The following OSBPL8 variants were observed in gnomAD, a reference collection of about 807,000 sequenced individuals.
OSBPL8 encodes the protein oxysterol binding protein like 8.
Under a neutral mutation model 125.5 loss-of-function variants are expected in OSBPL8, and 59 were observed. That is an observed-to-expected ratio of 0.47 (90% confidence interval 0.38 to 0.58). The LOEUF (loss-of-function observed/expected upper bound fraction) is 0.58, where lower values mean the gene tolerates loss of function less well. Among genes scored for constraint, OSBPL8 ranks in the 20% least tolerant of loss-of-function variants. The pLI, the probability that OSBPL8 is intolerant of heterozygous loss-of-function variation, is 0.00. For missense variants in OSBPL8, 758 were observed against 1,047.8 expected (o/e 0.72, Z 3.82); for synonymous variants, 330 against 338.9 (o/e 0.97, Z 0.29).
At chr12:76,473,798 G>T (rs188383372) in intron 2 of OSBPL8, among the ~76,000 whole-genome samples, 1 of 152,254 alleles carries the variant, frequency 6.6e-6, no homozygotes, top group Admixed American at 6.5e-5. Flanking sequence ...CGCAATATAG[G>T]AAAGTGATTA....
chr12:76,378,973 T>C (rs934896355), intron 15 of OSBPL8, among the ~76,000 whole-genome samples: 1 of 152,116 alleles, frequency 6.6e-6, no homozygotes. Flanking sequence ...TTTCCCCATG[T>C]TGGCCAAGCT....
chr12:76,558,245 TA>T (rs1951169134), intron 1 of OSBPL8, among the ~76,000 whole-genome samples: 1 of 152,226 alleles, frequency 6.6e-6, no homozygotes, highest in African/African-American at 2.4e-5. Flanking sequence ...AGCATGATCT[TA>T]ATAATTTCAC....
At chr12:76,371,790 T>A (rs530352270) in intron 18 of OSBPL8, 1 of 381,150 alleles carries the variant, frequency 2.6e-6, no homozygotes, top group South Asian at 1.1e-4. Context: ...TAATACTAGT[T>A]AATTAAAAAG....
At chr12:76,455,327 G>A (rs1394569338) in intron 3 of OSBPL8, among the ~76,000 whole-genome samples, 1 of 151,682 alleles carries the variant, frequency 6.6e-6, no homozygotes, top group Non-Finnish European at 1.5e-5. Context: ...AGGGCTCATT[G>A]TATAATTATG....
intron 1 of OSBPL8, among the ~76,000 whole-genome samples, chr12:76,527,126 T>G (rs1312896668): frequency 2.0e-5 from 3 of 152,024 alleles, no homozygotes; most frequent in Admixed American, 2.0e-4. Flanking sequence ...CTGCTGTCTA[T>G]ATATTGCTGA....
chr12:76,532,038 A>G (rs1592865227), intron 1 of OSBPL8, among the ~76,000 whole-genome samples: 1 of 76,060 alleles, frequency 1.3e-5, no homozygotes, highest in African/African-American at 8.3e-5. Flanking sequence ...CTCCTTCTCA[A>G]AAAAAAAAAA....
At chr12:76,526,716 T>C (rs947777957) in intron 1 of OSBPL8, among the ~76,000 whole-genome samples, 5 of 136,490 alleles carry the variant, frequency 3.7e-5, no homozygotes, top group Non-Finnish European at 7.7e-5. Flanking sequence ...AATGGTGCGA[T>C]CTCGGCTCAC....
intron 4 of OSBPL8, among the ~76,000 whole-genome samples, chr12:76,421,289 A>AAC (rs1168065745): frequency 5.9e-5 from 9 of 152,072 alleles, no homozygotes; most frequent in African/African-American, 1.9e-4. Flanking sequence ...CTGAATGACA[A>AAC]ACGACTAAAA....
chr12:76,549,961 G>A (rs1296869020), intron 1 of OSBPL8, among the ~76,000 whole-genome samples: 1 of 151,882 alleles, frequency 6.6e-6, no homozygotes, highest in East Asian at 1.9e-4. Flanking sequence ...TAACAGAATG[G>A]ATCCAATTCA....
At chr12:76,468,334 G>C (rs1300203408) in intron 2 of OSBPL8, among the ~76,000 whole-genome samples, 1 of 152,116 alleles carries the variant, frequency 6.6e-6, no homozygotes, top group African/African-American at 2.4e-5. Flanking sequence ...GATTTTCTAT[G>C]AGATGGTCTC....
intron 4 of OSBPL8, among the ~76,000 whole-genome samples, chr12:76,418,455 G>C (rs1869018608): frequency 6.6e-6 from 1 of 152,086 alleles, no homozygotes; most frequent in African/African-American, 2.4e-5. Context: ...TTAGAAACCA[G>C]GTAGTCTTGC....
At chr12:76,413,565 T>C (rs995907729) in intron 4 of OSBPL8, among the ~76,000 whole-genome samples, 22 of 152,328 alleles carry the variant, frequency 1.4e-4, no homozygotes, top group African/African-American at 4.1e-4. Context: ...TTAAACTTTA[T>C]ACCAAACTAT....
intron 1 of OSBPL8, among the ~76,000 whole-genome samples, chr12:76,546,869 G>C (rs1463143326): frequency 6.6e-6 from 1 of 152,038 alleles, no homozygotes; most frequent in Middle Eastern, 3.4e-3. Context: ...TTGACTTCCT[G>C]GACAATGAGC....
At chr12:76,434,879 C>T (rs1871259174) in intron 4 of OSBPL8, among the ~76,000 whole-genome samples, 1 of 151,996 alleles carries the variant, frequency 6.6e-6, no homozygotes, top group African/African-American at 2.4e-5. Flanking sequence ...CACTAGGATG[C>T]AGGGAAAAAG....
intron 4 of OSBPL8, among the ~76,000 whole-genome samples, chr12:76,430,093 A>T (rs1870629687): frequency 6.6e-6 from 1 of 152,108 alleles, no homozygotes; most frequent in Non-Finnish European, 1.5e-5. Context: ...CCTCAAAGAC[A>T]ATCCTGTCCG....
Position 76,375,708 on chromosome 12 carries a change from G to T in OSBPL8, c.1730-338C>A, listed in dbSNP as rs528742885. Among the ~76,000 whole-genome samples the T allele has an allele frequency of 6.6e-5, 10 of 150,636 alleles. 1 individual carries two copies. In the East Asian group the frequency reaches 1.4e-3, roughly 21 times the overall value. On this transcript the variant is annotated intron_variant, in intron 16 of 23. Coordinates refer to ENST00000261183, the MANE Select transcript of OSBPL8 (RefSeq NM_020841.5). ...ACATTCTGAGCTGAGGCTGAGCAAGGCAAACACTCTTGGTTCAGCTCCCAC... is the reference window on the plus strand; with the variant it reads ...ACATTCTGAGCTGAGGCTGAGCAAGTCAAACACTCTTGGTTCAGCTCCCAC...
At chr12:76,525,172 G>A (rs573486959) in intron 1 of OSBPL8, among the ~76,000 whole-genome samples, 1 of 152,176 alleles carries the variant, frequency 6.6e-6, no homozygotes, top group Admixed American at 6.5e-5. Context: ...ATCCTGATAC[G>A]AATAAATTTT....
At chr12:76,357,779 C>T (rs1041139222) in intron 22 of OSBPL8, among the ~76,000 whole-genome samples, 2 of 152,070 alleles carry the variant, frequency 1.3e-5, no homozygotes, top group African/African-American at 4.8e-5. Flanking sequence ...ACCATTTATT[C>T]ACTTCTAGTG....
At chr12:76,446,482 A>C (rs1016678152) in intron 4 of OSBPL8, among the ~76,000 whole-genome samples, 4 of 152,160 alleles carry the variant, frequency 2.6e-5, no homozygotes, top group Non-Finnish European at 5.9e-5. Context: ...ATTTATTCAT[A>C]AACTTACCTA....
Sources: allele counts gnomAD v4.1 joint callset (sites outside exome capture counted in the v4.1 genomes callset), GRCh38; gene constraint gnomAD v4.1.1; transcripts MANE v1.5; gene names NCBI Gene and HGNC (gene_info 2026-07-23, HGNC 2026-07-21).